The following NAV1 variants were observed in gnomAD, a reference collection of about 807,000 sequenced individuals.
NAV1 encodes pore membrane and/or filament interacting like protein 3.
In NAV1, 18 loss-of-function variants were observed where a neutral mutation model predicts 175.2. The observed-to-expected ratio is 0.10, with a 90% CI of 0.07 to 0.15. The LOEUF (loss-of-function observed/expected upper bound fraction) is 0.15, where lower values mean the gene tolerates loss of function less well. NAV1 is among the 10% of genes least tolerant of loss of function. The pLI is 1.00. For missense variants in NAV1, 1,731 were observed against 2,436.6 expected, an observed-to-expected ratio of 0.71 and a Z score of 6.10; for synonymous variants, 897 against 978.7, an observed-to-expected ratio of 0.92 and a Z score of 1.56.
At chr1:201,811,840 A>T in intron 25 of NAV1, 63 bp from the exon 30 acceptor site, 2 of 1,612,066 alleles carry the variant, frequency 1.2e-6, no homozygotes, top group Non-Finnish European at 1.7e-6. Context: ...AGTTGTGTGC[A>T]TGTGGCAGAA....
intron 2 of NAV1, among the ~76,000 whole-genome samples, chr1:201,611,856 AG>A (rs1667855343): frequency 1.3e-5 from 2 of 152,192 alleles, no homozygotes; most frequent in Non-Finnish European, 2.9e-5. Context: ...AGGGACAGCA[AG>A]GGACAGGGAG....
chr1:201,648,593 C>T, exon 1 of NAV1: 1 of 1,271,078 alleles, frequency 7.9e-7, no homozygotes, highest in Non-Finnish European at 9.9e-7. Context: ...GCCTCCTCCT[C>T]CTGCGCTCCC....
At chr1:201,688,944 C>T (rs1670788922) in intron 1 of NAV1, among the ~76,000 whole-genome samples, 1 of 152,224 alleles carries the variant, frequency 6.6e-6, no homozygotes, top group Non-Finnish European at 1.5e-5. Context: ...ACATGCACTG[C>T]TGACCTTGAG....
chr1:201,808,100 C>T lies in NAV1; in HGVS notation c.3796C>T (p.Pro1266Ser), dbSNP rs751331499. The change falls in exon 18 of 30, where the codon CCC becomes TCC. Residue 1266 changes from proline to serine, a missense_variant. Transcript: ENST00000367296. This position sits in a 1 kb window ranked among gnomAD's most constrained non-coding sequence, Gnocchi z 5.5. The stretch of plus-strand genomic sequence containing the variant: ...GCATGGTTCTACAGAGACTGCTTCA[C>T]CCTCCATCAAGTCCTCCACCTCGTC... 1.2e-6 allele frequency: 2 copies of T among 1,614,218 alleles called. No individual in the cohort carries two copies. The highest frequency in any genetic ancestry group is 1.7e-5 in the Admixed American group (1 of 60,026).
At chr1:201,680,904 C>T (rs958240541) in intron 1 of NAV1, among the ~76,000 whole-genome samples, 1 of 152,182 alleles carries the variant, frequency 6.6e-6, no homozygotes, top group Non-Finnish European at 1.5e-5. Flanking sequence ...CTTCTTGCGC[C>T]CATGCTTCTT....
At chr1:201,817,059 AC>A (rs754857820) in intron 28 of NAV1, 28 bp from the exon 33 acceptor site, 1 of 1,605,302 alleles carries the variant, frequency 6.2e-7, no homozygotes, top group East Asian at 2.2e-5. Flanking sequence ...TTAATTCCCC[AC>A]AGTAATCATA....
chr1:201,540,076 C>T (rs1481083280), intron 1 of NAV1, among the ~76,000 whole-genome samples: 1 of 152,238 alleles, frequency 6.6e-6, no homozygotes, highest in South Asian at 2.1e-4. Context: ...CCGATAAAAA[C>T]TGGTCATAGG....
intron 1 of NAV1, among the ~76,000 whole-genome samples, chr1:201,543,515 T>A (rs1374830948): frequency 6.7e-6 from 1 of 150,138 alleles, no homozygotes; most frequent in Non-Finnish European, 1.5e-5. Flanking sequence ...TTTTTTTTTA[T>A]CTGCAAAGTT....
At chr1:201,559,636 GC>G (rs1437298274) in intron 1 of NAV1, among the ~76,000 whole-genome samples, 1 of 151,956 alleles carries the variant, frequency 6.6e-6, no homozygotes, top group African/African-American at 2.4e-5. Context: ...GGAAGGATTA[GC>G]CTCCTTTCTC....
chr1:201,711,247 C>A (rs1354478727), intron 1 of NAV1, among the ~76,000 whole-genome samples: 1 of 152,192 alleles, frequency 6.6e-6, no homozygotes, highest in Non-Finnish European at 1.5e-5. Flanking sequence ...ATGGTGCTGA[C>A]CATGAGAGGA....
intron 3 of NAV1, among the ~76,000 whole-genome samples, chr1:201,778,869 A>AT (rs1676119210): frequency 2.0e-5 from 3 of 152,108 alleles, no homozygotes; most frequent in African/African-American, 7.2e-5. Flanking sequence ...AAAAAGAAAA[A>AT]TTTTTTCAGA....
intron 15 of NAV1, among the ~76,000 whole-genome samples, chr1:201,802,305 CAAAAAAAAAAA>C (rs34854602): frequency 1.2e-4 from 5 of 40,056 alleles, no homozygotes; most frequent in Admixed American, 3.9e-4. Context: ...AACACCTTCT[CAAAAAAAAAAA>C]AAAAAAAAAA....
chr1:201,783,539 T>C, exon 7 of NAV1: 1 of 1,614,136 alleles, frequency 6.2e-7, no homozygotes, highest in Non-Finnish European at 8.5e-7. Flanking sequence ...TGCTACAAGC[T>C]CAGCATCTGG....
intron 1 of NAV1, 106 bp downstream of exon 5, chr1:201,649,531 G>A: frequency 7.0e-7 from 1 of 1,429,498 alleles, no homozygotes; most frequent in Non-Finnish European, 9.1e-7. Context: ...CTTCCCGGAG[G>A]GCCCTCCTGT....
chr1:201,635,398 G>T (rs1360757270), intron 2 of NAV1, among the ~76,000 whole-genome samples: 1 of 152,136 alleles, frequency 6.6e-6, no homozygotes, highest in African/African-American at 2.4e-5. Flanking sequence ...TATTCTAGAA[G>T]CTTGGAATAC....
chr1:201,605,241 C>T (rs1667642810), intron 2 of NAV1, among the ~76,000 whole-genome samples: 2 of 150,978 alleles, frequency 1.3e-5, no homozygotes, highest in Non-Finnish European at 2.9e-5. Flanking sequence ...ATCCTCTCTG[C>T]TCCTTTAGAC....
rs1678355224 is a variant in NAV1 at position 201,807,326 on chromosome 1, C to A, written c.3649-627C>A. On this transcript the variant is annotated intron_variant, in intron 17 of 29. Transcript: ENST00000367296. The surrounding 1 kb of genome is among the most constrained non-coding windows in gnomAD (Gnocchi z 5.4). ...TGGGCACAAGAAATACTAAAAGAAG[C>A]TTGAGCCCACTGCCTTCTCGTGTTC... Among the ~76,000 whole-genome samples, 1 of 152,182 alleles carries A rather than the reference C, an allele frequency of 6.6e-6. No homozygotes were observed.
intron 1 of NAV1, among the ~76,000 whole-genome samples, chr1:201,578,454 A>G (rs1209568898): frequency 6.6e-6 from 1 of 152,162 alleles, no homozygotes; most frequent in East Asian, 1.9e-4. Flanking sequence ...CTGGGTAATG[A>G]TGAAAGTTCT....
chr1:201,573,871 C>A (rs1156986830), intron 1 of NAV1, among the ~76,000 whole-genome samples: 1 of 152,040 alleles, frequency 6.6e-6, no homozygotes, highest in Non-Finnish European at 1.5e-5. Flanking sequence ...ACCTGGGCAA[C>A]ATAGAAAGGT....
Sources: allele counts gnomAD v4.1 joint callset (sites outside exome capture counted in the v4.1 genomes callset), GRCh38; gene constraint gnomAD v4.1.1; non-coding constraint Gnocchi (gnomAD v3.1); transcripts MANE v1.5; gene names NCBI Gene and HGNC (gene_info 2026-07-23, HGNC 2026-07-21).